HSPA9: variants seen among roughly 807,000 people sequenced by gnomAD.
HSPA9 encodes stress-70 protein, mitochondrial.
In HSPA9, 28 loss-of-function variants were observed where a neutral mutation model predicts 81.5. The ratio of observed to expected loss-of-function variants is 0.34; its 90% CI spans 0.25 to 0.47. The LOEUF is 0.47. HSPA9 is among the 20% of genes least tolerant of loss of function. The pLI is 1.00. For synonymous variants in HSPA9, 293 were observed against 290.4 expected (o/e 1.01, Z -0.09); for missense variants, 678 against 838.0 (o/e 0.81, Z 2.36).
At chr5:138,559,588 A>T in intron 11 of HSPA9, 1 of 412,836 alleles carries the variant, frequency 2.4e-6, no homozygotes, top group East Asian at 5.4e-5. Flanking sequence ...AATGACTGAG[A>T]TCCCTTTTAG....
chr5:138,561,044 G>C (rs1467453023), intron 10 of HSPA9: 1 of 498,724 alleles, frequency 2.0e-6, no homozygotes, highest in Non-Finnish European at 4.1e-6. Flanking sequence ...CAACAGGTTT[G>C]TGCTCAGTCA....
intron 13 of HSPA9, 133 bp from the exon 14 acceptor site, chr5:138,557,629 T>C (rs931833299): frequency 4.0e-6 from 3 of 756,556 alleles, no homozygotes; most frequent in African/African-American, 3.5e-5. Context: ...AAATACCCTA[T>C]AGTCCTATAA....
chr5:138,571,279 C>G (rs1243399575), intron 3 of HSPA9, 138 bp from the exon 4 acceptor site: 35 of 827,724 alleles, frequency 4.2e-5, no homozygotes, highest in African/African-American at 1.3e-4. Context: ...ATCCTGGGTT[C>G]AAGCGATTCT....
intron 9 of HSPA9, among the ~76,000 whole-genome samples, chr5:138,564,800 C>T (rs1750730064): frequency 6.6e-6 from 1 of 152,310 alleles, no homozygotes; most frequent in South Asian, 2.1e-4. Flanking sequence ...GCTCACAACT[C>T]TTAGGGGAAG....
Position 138,556,112 on chromosome 5 carries a change from C to T in HSPA9, c.1965G>A (p.Met655Ile). The change falls in exon 17 of 17, where the codon ATG (methionine) becomes ATA (isoleucine). Residue 655 changes from methionine (M) to isoleucine (I), a missense_variant and splice_region_variant. This residue lies in a region of HSPA9 where 100 missense variants were observed against 99.5 expected (regional missense o/e 1.00). Transcript: ENST00000297185. ...TTCCAGAGCCTTCTCGCTCAGATGC[C>T]ATCTGTTAAGAAAACATTTGAGAGC... is the stretch of plus-strand genomic sequence containing the variant. ...LKLFEMAYKK[M>I]ASEREGSGSS... is the part of the protein sequence containing the mutation. The T allele has an allele frequency of 6.2e-7, 1 of 1,612,826 alleles. No homozygotes were observed. Among genetic ancestry groups the T allele is most frequent in the Non-Finnish European group, 8.5e-7 (1 of 1,179,114 alleles).
chr5:138,561,102 T>A, intron 10 of HSPA9: 2 of 490,552 alleles, frequency 4.1e-6, no homozygotes, highest in South Asian at 2.9e-5. Flanking sequence ...ATAAAATACA[T>A]CATTGCACAA....
At chr5:138,560,660 A>C (rs974766722) in intron 10 of HSPA9, 1 of 213,786 alleles carries the variant, frequency 4.7e-6, no homozygotes, top group African/African-American at 2.4e-5. Context: ...TCCTGCGTTC[A>C]CGCCATTCTC....
intron 16 of HSPA9, 115 bp downstream of exon 16, chr5:138,556,337 C>G: frequency 7.6e-7 from 1 of 1,322,084 alleles, no homozygotes; most frequent in East Asian, 2.3e-5. Context: ...TATCTCCCAA[C>G]TCTAATCTCA....
At position 138,575,267 on chromosome 5, in the gene HSPA9, A is replaced by G; in HGVS notation, c.52T>C (p.Ser18Pro). ...TGGCGGGCGGCCGTAGGGCCCCGGG[A>G]GGCTGCGGCGCCCACGAGACGGGCT... ...AAARLVGAAA[S>P]RGPTAARHQD... The change falls in exon 1 of 17, where the codon TCC (serine) becomes CCC (proline). Residue 18 changes from serine (S) to proline (P), a missense_variant. By Grantham distance (74) the Ser-to-Pro change is moderately conservative (BLOSUM62 -1). Around this residue, in one of 4 missense-constraint regions of HSPA9, gnomAD observed 89 missense variants for 70.4 expected, o/e 1.27. Coordinates refer to ENST00000297185, the MANE Select transcript of HSPA9 (RefSeq NM_004134.7). 1 of 1,610,652 alleles carries G rather than the reference A, an allele frequency of 6.2e-7. No individual in the cohort carries two copies. Among genetic ancestry groups the G allele is most frequent in the Non-Finnish European group, 8.5e-7 (1 of 1,179,126 alleles).
chr5:138,558,727 A>C, intron 11 of HSPA9, 70 bp from the exon 12 acceptor site: 4 of 992,602 alleles, frequency 4.0e-6, no homozygotes, highest in Non-Finnish European at 6.5e-6. Context: ...AAAAAATGAA[A>C]GCCAAAGGTT....
intron 3 of HSPA9, among the ~76,000 whole-genome samples, chr5:138,571,465 T>C (rs997483593): frequency 4.6e-5 from 7 of 151,992 alleles, no homozygotes; most frequent in East Asian, 1.9e-4. Context: ...GATACAGGCA[T>C]GAGCCAATAC....
At position 138,553,846 on chromosome 5, in the gene HSPA9, T is replaced by C. The variant is rs1561854962; in HGVS notation, c.*2191A>G. 6.6e-6 allele frequency among the ~76,000 whole-genome samples: 1 copy of C among 152,180 alleles called. No individual in the cohort carries two copies. The highest frequency in any genetic ancestry group is 1.5e-5 in the Non-Finnish European group (1 of 68,040). On this transcript the variant is annotated 3_prime_UTR_variant, in exon 17 of 17. Transcript: ENST00000297185. ...AACATTTGTCTCTCTCCAGAAGAGA[T>C]TAGTATTGAATTGGAGATTGCTCTG...
chr5:138,560,564 CTT>C (rs34922898), intron 10 of HSPA9, among the ~76,000 whole-genome samples: 15 of 135,020 alleles, frequency 1.1e-4, no homozygotes, highest in East Asian at 2.4e-4. Context: ...TTTTCTTCTT[CTT>C]TTTTTTTTTT....
Position 138,566,692 on chromosome 5 carries a change from G to A in HSPA9, c.906C>T (p.Asn302=). Residue 302 remains asparagine (N), a synonymous_variant, in exon 9 of 17, where the codon AAC becomes AAT. Coordinates refer to ENST00000297185, the MANE Select transcript of HSPA9 (RefSeq NM_004134.7). ...RETGVDLTKD[N]MALQRVREAA... ...CTTCCCGTACCCTCTGAAGTGCCAT[G>A]TTGTCTTTAGTCAAATCAACCCCTG... is the stretch of plus-strand genomic sequence containing the variant. The A allele has an allele frequency of 6.2e-7, 1 of 1,613,866 alleles. No homozygotes were observed. Among genetic ancestry groups the A allele is most frequent in the Non-Finnish European group, 8.5e-7 (1 of 1,179,788 alleles).
In HSPA9 at chr5:138,567,852, T is replaced by C. The variant is rs1246089074; in HGVS notation, c.536-130A>G. On this transcript the variant is annotated intron_variant, in intron 5 of 16. Coordinates refer to ENST00000297185, the MANE Select transcript of HSPA9 (RefSeq NM_004134.7). ...GTCTTTTGGTAAGTGACCTAATATG[T>C]CCTTGCAGGAAACACTCCAAGTAAA... 6.8e-6 allele frequency: 5 copies of C among 737,032 alleles called. 1 individual carries two copies. Among genetic ancestry groups the C allele is most frequent in the African/African-American group, 5.2e-5 (3 of 57,650 alleles). 45.7% of individuals were successfully genotyped at this position (737,032 alleles called of 1,614,324 possible).
At chr5:138,569,705 A>T (rs928295317) in intron 4 of HSPA9, among the ~76,000 whole-genome samples, 2 of 152,154 alleles carry the variant, frequency 1.3e-5, no homozygotes, top group African/African-American at 2.4e-5. Flanking sequence ...TTAAATTTTT[A>T]AAAATATTTA....
intron 11 of HSPA9, among the ~76,000 whole-genome samples, chr5:138,559,468 C>G (rs1168989317): frequency 6.6e-6 from 1 of 152,178 alleles, no homozygotes; most frequent in Non-Finnish European, 1.5e-5. Flanking sequence ...TCGGCACCCT[C>G]ATACCACCCC....
chr5:138,557,866 T>TA lies in HSPA9; in HGVS notation c.1633+2dup, dbSNP rs1176041752. 1 of 1,579,490 alleles carries TA rather than the reference T, an allele frequency of 6.3e-7. No individual in the cohort carries two copies. The highest frequency in any genetic ancestry group is 8.7e-7 in the Non-Finnish European group (1 of 1,150,132). On this transcript the variant is annotated splice_region_variant and intron_variant, in intron 13 of 16. Coordinates refer to ENST00000297185, the MANE Select transcript of HSPA9 (RefSeq NM_004134.7). ...TTAGGGTCTGATAAACAAGGTGACT[T>TA]ACTCTGCTGCTCACGTCCTGTGCCT... is the stretch of plus-strand genomic sequence containing the variant.
chr5:138,560,236 G>A (rs750119547), intron 10 of HSPA9, 145 bp from the exon 11 acceptor site: 15 of 696,370 alleles, frequency 2.2e-5, no homozygotes, highest in African/African-American at 1.8e-4. Flanking sequence ...TAACCATTTC[G>A]TACTTGGGTT....
Sources: allele counts gnomAD v4.1 joint callset (sites outside exome capture counted in the v4.1 genomes callset), GRCh38; gene constraint gnomAD v4.1.1; regional missense constraint gnomAD v4.1.1; transcripts MANE v1.5; gene names NCBI Gene and HGNC (gene_info 2026-07-23, HGNC 2026-07-21).